KDM5B: variants seen among roughly 807,000 people sequenced by gnomAD.
The protein encoded by KDM5B is lysine demethylase 5B, also known as lysine-specific demethylase 5B.
Under a neutral mutation model 193.4 loss-of-function variants are expected in KDM5B, and 144 were observed. The observed-to-expected ratio is 0.74, with a 90% CI of 0.65 to 0.86. KDM5B has a LOEUF of 0.86. Among genes scored for constraint, KDM5B ranks in the 40% least tolerant of loss-of-function variants. The pLI is 0.00. For missense variants in KDM5B, 1,833 were observed against 1,886.9 expected (o/e 0.97, Z 0.53); for synonymous variants, 668 against 682.6 (o/e 0.98, Z 0.33).
At chr1:202,743,228 T>C (rs1655417151) in intron 16 of KDM5B, among the ~76,000 whole-genome samples, 1 of 151,320 alleles carries the variant, frequency 6.6e-6, no homozygotes, top group Non-Finnish European at 1.5e-5. Flanking sequence ...TCCCAACTAT[T>C]TGACAAACTA....
chr1:202,783,340 C>CA (rs899492087), intron 1 of KDM5B, among the ~76,000 whole-genome samples: 28 of 146,936 alleles, frequency 1.9e-4, no homozygotes, highest in East Asian at 1.0e-3. Context: ...TCTGTCTCTA[C>CA]AAAAAAAAAA....
intron 1 of KDM5B, among the ~76,000 whole-genome samples, chr1:202,780,788 T>TAAAAA (rs11412721): frequency 7.7e-6 from 1 of 129,260 alleles, no homozygotes; most frequent in Non-Finnish European, 1.6e-5. Flanking sequence ...TTGCCATTAC[T>TAAAAA]AAAAAAAAAA....
At position 202,728,539 on chromosome 1, in the gene KDM5B, G is replaced by C. The variant is rs1235345508; in HGVS notation, c.*497C>G. On this transcript the variant is annotated 3_prime_UTR_variant, in exon 27 of 27. Coordinates refer to ENST00000367265, the MANE Select transcript of KDM5B (RefSeq NM_006618.5). ...AAGAAAAGTGGATAAAGGAAAAGAA[G>C]AAACAAACAAAAACTCCCAAAGTGA... 1 of 153,164 alleles carries C rather than the reference G, an allele frequency of 6.5e-6. No individual in the cohort carries two copies. The highest frequency in any genetic ancestry group is 2.4e-5 in the African/African-American group (1 of 41,448). The allele number at this position is 153,164 out of a possible 1,614,324, so 9.5% of individuals were successfully genotyped here.
Position 202,741,606 on chromosome 1 carries a change from A to C in KDM5B, c.2706T>G (p.Val902=), listed in dbSNP as rs1240236360. The C allele has an allele frequency of 6.2e-7, 1 of 1,614,248 alleles. No homozygotes were observed. Among genetic ancestry groups the C allele is most frequent in the East Asian group, 2.2e-5 (1 of 44,894 alleles). Residue 902 remains valine, a synonymous_variant, in exon 19 of 27, where the codon GTT becomes GTG. Transcript: ENST00000367265. ...DLLDVSFEFD[V]ELPQLAEMRI... is the part of the protein sequence containing the mutation. ...GCATCTCAGCAAGCTGTGGAAGTTC[A>C]ACATCAAATTCAAAGCTGACATCTA...
Position 202,773,132 on chromosome 1 carries a change from C to T in KDM5B, c.562G>A (p.Gly188Arg), listed in dbSNP as rs527678943. Residue 188 changes from glycine (G) to arginine (R), a missense_variant, in exon 4 of 27, where the codon GGA becomes AGA. Gly to Arg is a moderately radical substitution (Grantham distance 125). This residue lies in a region of KDM5B where 355 missense variants were observed against 374.9 expected (regional missense o/e 0.95). Transcript: ENST00000367265. Reference protein sequence around the residue: ...ILNPYNLFLSGDSLRCLQKPN... With the variant: ...ILNPYNLFLSRDSLRCLQKPN... The stretch of plus-strand genomic sequence containing the variant: ...CCCAAACTTACCCTTAGGCTGTCTC[C>T]GGACAGGAATAAGTTGTAGGGGTTG... 18 of 1,611,956 alleles carry T rather than the reference C, an allele frequency of 1.1e-5. No individual in the cohort carries two copies. The highest frequency in any genetic ancestry group is 2.2e-5 in the East Asian group (1 of 44,852).
In KDM5B at chr1:202,773,136, C is replaced by T; in HGVS notation, c.558G>A (p.Leu186=). 1.2e-6 allele frequency: 2 copies of T among 1,612,798 alleles called. No homozygotes were observed. The highest frequency in any genetic ancestry group is 1.1e-5 in the South Asian group (1 of 90,980). ...ERILNPYNLF[L]SGDSLRCLQK... ...AACTTACCCTTAGGCTGTCTCCGGACAGGAATAAGTTGTAGGGGTTGAGAA... is the reference window on the plus strand; with the variant it reads ...AACTTACCCTTAGGCTGTCTCCGGATAGGAATAAGTTGTAGGGGTTGAGAA... Residue 186 remains leucine, a synonymous_variant, in exon 4 of 27, where the codon CTG becomes CTA. Coordinates refer to ENST00000367265, the MANE Select transcript of KDM5B (RefSeq NM_006618.5).
chr1:202,792,601 T>C (rs1657684479), intron 1 of KDM5B, among the ~76,000 whole-genome samples: 1 of 152,088 alleles, frequency 6.6e-6, no homozygotes, highest in Non-Finnish European at 1.5e-5. Context: ...AACACACAAA[T>C]CTAAATGGTA....
chr1:202,770,172 T>C (rs1357772039), intron 4 of KDM5B, among the ~76,000 whole-genome samples: 1 of 152,248 alleles, frequency 6.6e-6, no homozygotes, highest in Non-Finnish European at 1.5e-5. Context: ...TATGGTTTTA[T>C]ATCTAATGTT....
intron 4 of KDM5B, 160 bp from the exon 5 acceptor site, chr1:202,767,220 G>C (rs1656505414): frequency 6.4e-7 from 1 of 1,573,452 alleles, no homozygotes; most frequent in Non-Finnish European, 8.7e-7. Context: ...TGGAGGAACT[G>C]AAACACCCTT....
At chr1:202,764,745 C>T (rs530182836) in intron 5 of KDM5B, among the ~76,000 whole-genome samples, 31 of 152,266 alleles carry the variant, frequency 2.0e-4, no homozygotes, top group Non-Finnish European at 3.5e-4. Context: ...TTGGGGGGGC[C>T]AAGGCAGGTG....
At chr1:202,779,678 C>T (rs1024331455) in intron 1 of KDM5B, among the ~76,000 whole-genome samples, 1 of 151,824 alleles carries the variant, frequency 6.6e-6, no homozygotes, top group African/African-American at 2.4e-5. Context: ...TGACACATGC[C>T]TGTAGTCCCA....
intron 1 of KDM5B, among the ~76,000 whole-genome samples, chr1:202,787,387 T>A (rs1008276746): frequency 4.6e-5 from 7 of 152,192 alleles, no homozygotes; most frequent in African/African-American, 1.7e-4. Flanking sequence ...ATTGAGGACC[T>A]CAAAGAATGT....
chr1:202,789,502 A>G (rs1174953245), intron 1 of KDM5B, among the ~76,000 whole-genome samples: 2 of 74,854 alleles, frequency 2.7e-5, no homozygotes, highest in Non-Finnish European at 5.8e-5. Flanking sequence ...GCGCCACTGA[A>G]CTCCAGCCTG....
chr1:202,792,486 C>T (rs1657679637), intron 1 of KDM5B, among the ~76,000 whole-genome samples: 1 of 152,128 alleles, frequency 6.6e-6, no homozygotes, highest in African/African-American at 2.4e-5. Flanking sequence ...CAATGTGAAG[C>T]TGAGTGGTCA....
Position 202,736,333 on chromosome 1 carries a change from A to C in KDM5B, c.3144T>G (p.Ser1048=). ...TLIELVTRGR[S]IPVHLNSLPR... is the part of the protein sequence containing the mutation. ...GCAAAGAATTCAGATGTACGGGGAT[A>C]GATCGGCCTCGTGTAACAAGTTCTA... Residue 1048 remains serine, a synonymous_variant, in exon 21 of 27, where the codon TCT becomes TCG. Coordinates refer to ENST00000367265, the MANE Select transcript of KDM5B (RefSeq NM_006618.5). 1.9e-6 allele frequency: 3 copies of C among 1,612,198 alleles called. No homozygotes were observed. The East Asian group carries it at 6.7e-5, about 36-fold the overall frequency.
intron 7 of KDM5B, among the ~76,000 whole-genome samples, chr1:202,762,235 T>C (rs1415566945): frequency 2.0e-5 from 3 of 152,152 alleles, no homozygotes; most frequent in African/African-American, 4.8e-5. Flanking sequence ...TTCCTTTTCA[T>C]TCCTTCCTTC....
chr1:202,753,665 T>G (rs1444141974), intron 11 of KDM5B, among the ~76,000 whole-genome samples: 6 of 87,192 alleles, frequency 6.9e-5, no homozygotes, highest in Non-Finnish European at 1.4e-4. Context: ...GTTGTTGTTG[T>G]TTTTTTTTTG....
At chr1:202,746,086 C>CT (rs774970647) in intron 15 of KDM5B, 56 bp downstream of exon 15, 1 of 1,575,234 alleles carries the variant, frequency 6.3e-7, no homozygotes, top group Non-Finnish European at 8.7e-7. Flanking sequence ...TATCATTGAG[C>CT]TTTTAGTAAG....
At chr1:202,739,160 T>C (rs1043178026) in intron 20 of KDM5B, among the ~76,000 whole-genome samples, 2 of 152,210 alleles carry the variant, frequency 1.3e-5, no homozygotes, top group African/African-American at 4.8e-5. Context: ...ATCATACTTA[T>C]CAAAGAGTAG....
Sources: gnomAD v4.1 joint callset for allele counts (sites outside exome capture counted in the v4.1 genomes callset) on GRCh38, gnomAD v4.1.1 for gene constraint, gnomAD v4.1.1 regional missense constraint, MANE v1.5 for transcripts, NCBI Gene and HGNC (gene_info 2026-07-23, HGNC 2026-07-21) for gene names.